EVI5L: variants seen among roughly 807,000 people sequenced by gnomAD.
The protein encoded by EVI5L is ecotropic viral integration site 5 like.
In EVI5L, 30 loss-of-function variants were observed where a neutral mutation model predicts 106.1. The observed-to-expected ratio is 0.28, with a 90% CI of 0.21 to 0.38. The LOEUF (loss-of-function observed/expected upper bound fraction) is 0.38. Among genes scored for constraint, EVI5L ranks in the 10% least tolerant of loss-of-function variants. The pLI, the probability that EVI5L is intolerant of heterozygous loss-of-function variation, is 1.00. For synonymous variants in EVI5L, 489 were observed against 483.3 expected, an observed-to-expected ratio of 1.01 and a Z score of -0.15; for missense variants, 809 against 1,098.0, an observed-to-expected ratio of 0.74 and a Z score of 3.72.
rs1250602174 is a variant in EVI5L, at chr19:7,860,040, G to C, written c.1375-521G>C. ...GGTGGCAGTGTCCATCACTCCAGGGGCCCCCACTGGGGAACTTCTGAGAAG... is the reference window on the plus strand; with the variant it reads ...GGTGGCAGTGTCCATCACTCCAGGGCCCCCCACTGGGGAACTTCTGAGAAG... On this transcript the variant is annotated intron_variant, in intron 13 of 19. Coordinates refer to ENST00000538904, the MANE Select transcript of EVI5L (RefSeq NM_001159944.3). Among the ~76,000 whole-genome samples the C allele has an allele frequency of 2.0e-5, 3 of 152,370 alleles. No individual in the cohort carries two copies. The East Asian group carries it at 5.8e-4, about 29-fold the overall frequency.
chr19:7,845,318 G>A lies in EVI5L; in HGVS notation c.-47-1178G>A, dbSNP rs1488002879. Among the ~76,000 whole-genome samples the A allele has an allele frequency of 2.6e-5, 4 of 151,998 alleles. No individual in the cohort carries two copies. Among genetic ancestry groups the A allele is most frequent in the African/African-American group, 4.8e-5 (2 of 41,372 alleles). ...GGGCTCACCAGGAAGAAGCATGAAG[G>A]AACACCATCCCCAGCCGCTGCCTCC... On this transcript the variant is annotated intron_variant, in intron 1 of 19. Transcript: ENST00000538904. The surrounding 1 kb of genome is among the most constrained non-coding windows in gnomAD (Gnocchi z 4.0).
rs1980035703 is a variant in EVI5L, at chr19:7,864,680, CCCTTCCCCCGGCCCCCCGGG to C, written c.*982_*1001del. 6.6e-6 allele frequency: 1 copy of C among 152,346 alleles called. No individual in the cohort carries two copies. The highest frequency in any genetic ancestry group is 2.1e-4 in the South Asian group (1 of 4,822). The allele number at this position is 152,346 out of a possible 1,614,324, so 9.4% of individuals were successfully genotyped here. On this transcript the variant is annotated 3_prime_UTR_variant, in exon 20 of 20. Transcript: ENST00000538904. The surrounding 1 kb of genome is among the most constrained non-coding windows in gnomAD (Gnocchi z 4.5). ...AACGATGCCCCCCAGGCCCCTTCCT[CCCTTCCCCCGGCCCCCCGGG>C]CCTCATGACCCTGGGGGCTGCCCCC...
In EVI5L at chr19:7,845,219, G is replaced by T. The variant is rs1456680708; in HGVS notation, c.-47-1277G>T. Reference sequence around the variant, plus strand: ...CATGAGGAGCCGTGCAAATAAGGAGGCAGGAGGCAGGGTTTCCTTCCTGCC... The same window carrying T: ...CATGAGGAGCCGTGCAAATAAGGAGTCAGGAGGCAGGGTTTCCTTCCTGCC... On this transcript the variant is annotated intron_variant, in intron 1 of 19. Transcript: ENST00000538904. This position sits in a 1 kb window ranked among gnomAD's most constrained non-coding sequence, Gnocchi z 4.0. 6.6e-6 allele frequency among the ~76,000 whole-genome samples: 1 copy of T among 152,110 alleles called. No individual in the cohort carries two copies. The highest frequency in any genetic ancestry group is 1.5e-5 in the Non-Finnish European group (1 of 68,014).
chr19:7,855,790 C>T (rs1173817531), intron 10 of EVI5L, among the ~76,000 whole-genome samples: 1 of 152,190 alleles, frequency 6.6e-6, no homozygotes, highest in Non-Finnish European at 1.5e-5. Context: ...TTTTACTGAA[C>T]CCAGGTTTGT....
intron 1 of EVI5L, among the ~76,000 whole-genome samples, 157 bp downstream of exon 1, chr19:7,830,538 C>T (rs1341205497): frequency 6.6e-6 from 1 of 151,712 alleles, no homozygotes; most frequent in Non-Finnish European, 1.5e-5. Flanking sequence ...TTCGGAGGAC[C>T]CTGGCCCCTG....
chr19:7,863,906 C>G lies in EVI5L; in HGVS notation c.*204C>G. The G allele has an allele frequency of 1.5e-6, 1 of 647,258 alleles. No individual in the cohort carries two copies. The highest frequency in any genetic ancestry group is 2.5e-6 in the Non-Finnish European group (1 of 406,908). The allele number at this position is 647,258 out of a possible 1,614,324, so 40.1% of individuals were successfully genotyped here. On this transcript the variant is annotated 3_prime_UTR_variant, in exon 20 of 20. Transcript: ENST00000538904. The surrounding 1 kb of genome is among the most constrained non-coding windows in gnomAD (Gnocchi z 7.7). ...GGGCCCCGGGGCAGGCTCTCTATCC[C>G]CAGCAGTGTTTACCCATCTTGGTCT...
intron 1 of EVI5L, among the ~76,000 whole-genome samples, chr19:7,836,408 C>G (rs1028450439): frequency 5.3e-5 from 8 of 152,164 alleles, no homozygotes; most frequent in African/African-American, 1.9e-4. Context: ...CTGAGTAACC[C>G]CTGCACTTGG....
chr19:7,843,026 G>A (rs572908326), intron 1 of EVI5L, among the ~76,000 whole-genome samples: 52 of 150,924 alleles, frequency 3.4e-4, no homozygotes, highest in African/African-American at 1.0e-3. Context: ...GTGTGTGAGC[G>A]TGTGTGTGAG....
intron 1 of EVI5L, among the ~76,000 whole-genome samples, chr19:7,842,459 G>A (rs578197798): frequency 5.0e-4 from 44 of 88,146 alleles, no homozygotes; most frequent in African/African-American, 1.6e-3. Context: ...GTGTGAATGT[G>A]TGTGTATCAA....
chr19:7,857,617 AT>A lies in EVI5L; in HGVS notation c.1233+494del, dbSNP rs1979593986. 1 of 187,426 alleles carries A rather than the reference AT, an allele frequency of 5.3e-6. No individual in the cohort carries two copies. The highest frequency in any genetic ancestry group is 1.1e-5 in the Non-Finnish European group (1 of 90,212). The allele number at this position is 187,426 out of a possible 1,614,324, so 11.6% of individuals were successfully genotyped here. A position where few individuals can be genotyped will look rare whatever the true frequency, so the allele number is the denominator to read the frequency against. ...CTGCCACCTCATCTTGAATGGCTTT[AT>A]CTGGAAGCTGCCACCCGCCACCTGG... is the stretch of plus-strand genomic sequence containing the variant. On this transcript the variant is annotated intron_variant, in intron 12 of 19. Coordinates refer to ENST00000538904, the MANE Select transcript of EVI5L (RefSeq NM_001159944.3). This position sits in a 1 kb window ranked among gnomAD's most constrained non-coding sequence, Gnocchi z 4.5.
Position 7,847,826 on chromosome 19 carries a change from A to G in EVI5L, c.232A>G (p.Asn78Asp). 1 of 1,611,442 alleles carries G rather than the reference A, an allele frequency of 6.2e-7. No homozygotes were observed. The highest frequency in any genetic ancestry group is 8.5e-7 in the Non-Finnish European group (1 of 1,179,024). ...SLVSSSSASS[N>D]LSHLEEDTWI... Reference sequence around the variant, plus strand: ...AGTGTCCAGCTCCTCGGCCTCCTCCAACCTGAGCCACCTGGAGGAGGACAC... The same window carrying G: ...AGTGTCCAGCTCCTCGGCCTCCTCCGACCTGAGCCACCTGGAGGAGGACAC... The change falls in exon 3 of 20, where the codon AAC (asparagine) becomes GAC (aspartate). Residue 78 changes from asparagine to aspartate, a missense_variant. Coordinates refer to ENST00000538904, the MANE Select transcript of EVI5L (RefSeq NM_001159944.3).
In EVI5L at chr19:7,850,927, C is replaced by A. The variant is rs1568239560; in HGVS notation, c.754-507C>A. 6.6e-6 allele frequency among the ~76,000 whole-genome samples: 1 copy of A among 152,230 alleles called. No individual in the cohort carries two copies. Among genetic ancestry groups the A allele is most frequent in the Non-Finnish European group, 1.5e-5 (1 of 68,046 alleles). ...TCCCCAGCCGTCTGCCACTTTCTGG[C>A]TGTCTAGAGTTCAGGCCAATCCAAC... On this transcript the variant is annotated intron_variant, in intron 6 of 19. Transcript: ENST00000538904. This position sits in a 1 kb window ranked among gnomAD's most constrained non-coding sequence, Gnocchi z 5.4.
In EVI5L at chr19:7,835,462, C is replaced by G. The variant is rs551969967; in HGVS notation, c.-48+5081C>G. Reference sequence around the variant, plus strand: ...GGCAAAGGCTGCAGTGAGCCAAGATCGTGCCACTGCACTCCAGCCTGGGTG... The same window carrying G: ...GGCAAAGGCTGCAGTGAGCCAAGATGGTGCCACTGCACTCCAGCCTGGGTG... On this transcript the variant is annotated intron_variant, in intron 1 of 19. Coordinates refer to ENST00000538904, the MANE Select transcript of EVI5L (RefSeq NM_001159944.3). The surrounding 1 kb of genome is among the most constrained non-coding windows in gnomAD (Gnocchi z 4.1). Among the ~76,000 whole-genome samples, 1 of 151,362 alleles carries G rather than the reference C, an allele frequency of 6.6e-6. No homozygotes were observed. The highest frequency in any genetic ancestry group is 1.5e-5 in the Non-Finnish European group (1 of 67,782).
intron 1 of EVI5L, among the ~76,000 whole-genome samples, chr19:7,831,738 G>A (rs979046282): frequency 8.5e-5 from 13 of 152,312 alleles, no homozygotes; most frequent in East Asian, 7.7e-4. Flanking sequence ...CCTGGCTTCC[G>A]TCCTGAAGTC....
At chr19:7,852,488 C>A (rs1348697429) in intron 8 of EVI5L, among the ~76,000 whole-genome samples, 2 of 151,988 alleles carry the variant, frequency 1.3e-5, no homozygotes, top group Admixed American at 6.6e-5. Context: ...CTCTGTCAGA[C>A]CCCCCGACCC....
At chr19:7,853,824 C>A (rs1414414423) in intron 10 of EVI5L, among the ~76,000 whole-genome samples, 1 of 152,180 alleles carries the variant, frequency 6.6e-6, no homozygotes, top group Non-Finnish European at 1.5e-5. Flanking sequence ...GGCCCAGACA[C>A]CAGGGTGTGT....
chr19:7,838,490 A>G (rs575580582), intron 1 of EVI5L, among the ~76,000 whole-genome samples: 6 of 152,330 alleles, frequency 3.9e-5, no homozygotes, highest in Non-Finnish European at 8.8e-5. Flanking sequence ...GTCACATCCT[A>G]TCAAGGGTAC....
Position 7,862,025 on chromosome 19 carries a change from G to T in EVI5L, c.1644+7G>T. 6.5e-7 allele frequency: 1 copy of T among 1,543,070 alleles called. No homozygotes were observed. ...GCTCTCGGACACCTGGCAGGTGAGGGCCGGGTGGGCGCCGGCGGGCAGAGC... is the reference window on the plus strand; with the variant it reads ...GCTCTCGGACACCTGGCAGGTGAGGTCCGGGTGGGCGCCGGCGGGCAGAGC... On this transcript the variant is annotated splice_region_variant and intron_variant, in intron 15 of 19. Transcript: ENST00000538904.
chr19:7,846,761 C>G (rs533666593), intron 2 of EVI5L, 82 bp downstream of exon 2: 52 of 1,522,816 alleles, frequency 3.4e-5, no homozygotes, highest in Middle Eastern at 1.8e-4. Context: ...CCCTCACATT[C>G]AGAGCCAGGC....
Sources: gnomAD v4.1 joint callset for allele counts (sites outside exome capture counted in the v4.1 genomes callset) on GRCh38, gnomAD v4.1.1 for gene constraint, Gnocchi (gnomAD v3.1) non-coding constraint, MANE v1.5 for transcripts, NCBI Gene and HGNC (gene_info 2026-07-23, HGNC 2026-07-21) for gene names.